Variants in CNKSR2 observed in about 807,000 individuals in gnomAD.
The protein encoded by CNKSR2 is connector enhancer of kinase suppressor of Ras 2, also known as CNK homolog protein 2.
In CNKSR2, 14 loss-of-function variants were observed where a neutral mutation model predicts 84.4. The ratio of observed to expected loss-of-function variants is 0.17; its 90% CI spans 0.11 to 0.26. CNKSR2 has a LOEUF of 0.26. Ranked by LOEUF, CNKSR2 falls within the 10% of genes least tolerant of loss-of-function variation. CNKSR2 has a pLI of 1.00. For synonymous variants in CNKSR2, 275 were observed against 277.9 expected (o/e 0.99, Z 0.10); for missense variants, 485 against 771.2 (o/e 0.63, Z 4.40).
At chrX:21,452,125 C>G (rs1371768358) in intron 4 of CNKSR2, among the ~76,000 whole-genome samples, 1 of 111,861 alleles carries the variant, frequency 8.9e-6, no homozygotes, top group Non-Finnish European at 1.9e-5. Context: ...GAGTCTCACT[C>G]TGTCACCCAG....
chrX:21,593,805 C>T (rs2092435234), intron 15 of CNKSR2: 1 of 111,240 alleles, frequency 9.0e-6, no homozygotes, highest in African/African-American at 3.3e-5. Context: ...CTCTTGAATG[C>T]ACAGAATAAT....
intron 11 of CNKSR2, among the ~76,000 whole-genome samples, chrX:21,553,856 G>A (rs1170384378): frequency 9.0e-6 from 1 of 111,430 alleles, no homozygotes; most frequent in African/African-American, 3.3e-5. Flanking sequence ...ACATGCCTGT[G>A]TCATCTTTCT....
chrX:21,382,838 A>G (rs1010492266), intron 1 of CNKSR2, among the ~76,000 whole-genome samples: 1 of 112,033 alleles, frequency 8.9e-6, no homozygotes, highest in Non-Finnish European at 1.9e-5. Flanking sequence ...AGAAAACTTT[A>G]AAAACTAGAT....
At chrX:21,571,286 T>C (rs2092282115) in intron 13 of CNKSR2, among the ~76,000 whole-genome samples, 1 of 112,183 alleles carries the variant, frequency 8.9e-6, no homozygotes, top group Non-Finnish European at 1.9e-5. Context: ...CAAAATATGA[T>C]ACAGAGACAC....
At chrX:21,384,331 T>C (rs1275572665) in intron 1 of CNKSR2, among the ~76,000 whole-genome samples, 1 of 111,908 alleles carries the variant, frequency 8.9e-6, no homozygotes, top group Non-Finnish European at 1.9e-5. Flanking sequence ...TAATGTTACA[T>C]TAAATCAAAG....
intron 5 of CNKSR2, among the ~76,000 whole-genome samples, chrX:21,475,321 A>G (rs1478571472): frequency 8.9e-6 from 1 of 112,016 alleles, no homozygotes; most frequent in East Asian, 2.8e-4. Flanking sequence ...CCTAATGTAT[A>G]CCTACTATGT....
rs193261661 is a variant in CNKSR2, at chrX:21,590,789, A to T, written c.1657+169A>T. The T allele has an allele frequency of 4.1e-4, 201 of 485,509 alleles. No individual in the cohort carries two copies. The African/African-American group carries it at 4.2e-3, about 10-fold the overall frequency. 40.0% of individuals were successfully genotyped at this position (485,509 alleles called of 1,213,427 possible). A position where few individuals can be genotyped will look rare whatever the true frequency, so the allele number is the denominator to read the frequency against. On this transcript the variant is annotated intron_variant, in intron 14 of 21. Coordinates refer to ENST00000379510, the MANE Select transcript of CNKSR2 (RefSeq NM_014927.5). ...CTTCAGTGCAATTATAATACAAGGT[A>T]CCTTTTACAACAAATGATCTCAATA...
At chrX:21,542,785 T>C (rs1354459742) in intron 11 of CNKSR2, among the ~76,000 whole-genome samples, 6 of 111,915 alleles carry the variant, frequency 5.4e-5, no homozygotes, top group Admixed American at 2.8e-4. Flanking sequence ...CTTTTAACAA[T>C]AATATCACCA....
intron 13 of CNKSR2, among the ~76,000 whole-genome samples, chrX:21,581,015 C>T (rs1292975362): frequency 1.8e-5 from 2 of 111,732 alleles, no homozygotes; most frequent in African/African-American, 3.3e-5. Flanking sequence ...ATCAATCAGG[C>T]ACCCCAAAAT....
intron 1 of CNKSR2, among the ~76,000 whole-genome samples, chrX:21,420,028 G>C (rs1401450562): frequency 8.9e-6 from 1 of 112,243 alleles, no homozygotes; most frequent in African/African-American, 3.2e-5. Context: ...TGCTGTCTGG[G>C]AGCCAGGGAC....
chrX:21,495,137 A>G (rs1300220481), intron 6 of CNKSR2: 2 of 111,642 alleles, frequency 1.8e-5, no homozygotes, highest in East Asian at 5.6e-4. Context: ...AAGGTGTACA[A>G]CTCTCCTAAC....
At chrX:21,563,154 C>A in intron 12 of CNKSR2, 84 bp from the exon 13 acceptor site, 1 of 770,506 alleles carries the variant, frequency 1.3e-6, no homozygotes, top group Non-Finnish European at 1.8e-6. Flanking sequence ...ACTTTTGCGC[C>A]AACCTAATAG....
chrX:21,460,479 G>A (rs1025827179), intron 4 of CNKSR2, among the ~76,000 whole-genome samples: 16 of 111,825 alleles, frequency 1.4e-4, no homozygotes, highest in African/African-American at 5.2e-4. Context: ...GGCATGCAAT[G>A]TATTCATAAT....
chrX:21,459,483 A>G (rs2091034798), intron 4 of CNKSR2, among the ~76,000 whole-genome samples: 1 of 110,602 alleles, frequency 9.0e-6, no homozygotes, highest in African/African-American at 3.3e-5. Flanking sequence ...TCCTTTCTTC[A>G]TATTTGTCAT....
At chrX:21,543,122 T>A (rs2091990855) in intron 11 of CNKSR2, among the ~76,000 whole-genome samples, 1 of 112,445 alleles carries the variant, frequency 8.9e-6, no homozygotes, top group South Asian at 3.7e-4. Flanking sequence ...CAATGTGAAG[T>A]TAGGATAGCG....
intron 4 of CNKSR2, among the ~76,000 whole-genome samples, chrX:21,461,303 A>C (rs192160364): frequency 1.2e-4 from 13 of 112,501 alleles, no homozygotes; most frequent in Non-Finnish European, 2.1e-4. Flanking sequence ...ATACCTTTGC[A>C]TATGCCTGAT....
chrX:21,478,049 A>T (rs1169602537), intron 5 of CNKSR2, among the ~76,000 whole-genome samples: 2 of 111,547 alleles, frequency 1.8e-5, no homozygotes, highest in East Asian at 5.6e-4. Flanking sequence ...ATTTGAACAT[A>T]TAAATTATGG....
At chrX:21,506,471 G>C (rs765262532) in intron 8 of CNKSR2, 7 of 111,637 alleles carry the variant, frequency 6.3e-5, no homozygotes, top group African/African-American at 2.3e-4. Context: ...TGATGAGAAT[G>C]TGTGGAAACT....
At chrX:21,405,736 A>G (rs1244553828) in intron 1 of CNKSR2, among the ~76,000 whole-genome samples, 3 of 111,262 alleles carry the variant, frequency 2.7e-5, no homozygotes, top group Non-Finnish European at 5.7e-5. Flanking sequence ...TTTCACTATT[A>G]TATTGATTAT....
Sources: gnomAD v4.1 joint callset for allele counts (sites outside exome capture counted in the v4.1 genomes callset) on GRCh38, gnomAD v4.1.1 for gene constraint, MANE v1.5 for transcripts, NCBI Gene and HGNC (gene_info 2026-07-23, HGNC 2026-07-21) for gene names.